CTU2: variants seen among roughly 807,000 people sequenced by gnomAD.
CTU2 encodes the protein cytoplasmic tRNA 2-thiolation protein 2.
Under a neutral mutation model 64.1 loss-of-function variants are expected in CTU2, and 80 were observed. The observed-to-expected ratio is 1.25, with a 90% CI of 1.04 to 1.50. The LOEUF (loss-of-function observed/expected upper bound fraction) is 1.50. Ranked by LOEUF, CTU2 falls within the 40% of genes most tolerant of loss-of-function variation. The probability of loss-of-function intolerance (pLI) is 0.00; values close to 1 mark genes in which losing one functional copy is unlikely to be tolerated. For missense variants in CTU2, 1,110 were observed against 690.2 expected (o/e 1.61, Z -6.81); for synonymous variants, 482 against 285.3 (o/e 1.69, Z -6.95).
rs749266783 is a variant in CTU2 at position 88,713,384 on chromosome 16, C to T, written c.810C>T (p.Arg270=). The change falls in exon 8 of 15, where the codon CGC becomes CGT. Residue 270 remains arginine, a synonymous_variant. Coordinates refer to ENST00000453996, the MANE Select transcript of CTU2 (RefSeq NM_001012759.3). ...TCATGACTGGGGACAGCTGCACACG[C>T]TTGGCTATCAAGCTCATGACCAACC... is the stretch of plus-strand genomic sequence containing the variant. The part of the protein sequence containing the change: ...SKVMTGDSCT[R]LAIKLMTNLA... 17 of 1,604,582 alleles carry T rather than the reference C, an allele frequency of 1.1e-5. No individual in the cohort carries two copies. In the Admixed American group the frequency reaches 2.6e-4, roughly 24 times the overall value.
rs769798425 is a variant in CTU2, at chr16:88,714,137, C to T, written c.1007C>T (p.Ala336Val). 90 of 1,612,382 alleles carry T rather than the reference C, an allele frequency of 5.6e-5. No individual in the cohort carries two copies. The highest frequency in any genetic ancestry group is 7.0e-5 in the Non-Finnish European group (83 of 1,179,742). The change falls in exon 10 of 15, where the codon GCC (alanine) becomes GTC (valine). Residue 336 changes from alanine to valine, a missense_variant and splice_region_variant. Transcript: ENST00000453996. ...SVFTPAVDTKAPEKASIHRLM... is the reference protein window; with the variant it reads ...SVFTPAVDTKVPEKASIHRLM... ...AGCCTCCAATCTGATTGTCCCTAGGCCCCTGAAAAGGCCAGCATCCACCGG... is the reference window on the plus strand; with the variant it reads ...AGCCTCCAATCTGATTGTCCCTAGGTCCCTGAAAAGGCCAGCATCCACCGG...
At chr16:88,714,333 G>GGTGT in intron 10 of CTU2, 50 bp from the exon 11 acceptor site, 1 of 1,603,176 alleles carries the variant, frequency 6.2e-7, no homozygotes, top group Non-Finnish European at 8.5e-7. Flanking sequence ...GGCTTAGGGT[G>GGTGT]GAGCCCCAGC....
rs538417281 is a variant in CTU2 at position 88,715,351 on chromosome 16, T to G, written c.*100T>G. The G allele has an allele frequency of 1.2e-3, 1,505 of 1,273,094 alleles. 2 individuals carry two copies. Among genetic ancestry groups the G allele is most frequent in the Non-Finnish European group, 1.5e-3 (1,432 of 929,288 alleles). 78.9% of individuals were successfully genotyped at this position (1,273,094 alleles called of 1,614,324 possible). A position where few individuals can be genotyped will look rare whatever the true frequency, so the allele number is the denominator to read the frequency against. On this transcript the variant is annotated 3_prime_UTR_variant, in exon 15 of 15. Transcript: ENST00000453996. Reference sequence around the variant, plus strand: ...GGGGGACTGGCCTCTGATTGTCCATTTGTATAAATAAAACATTTTTTAATT... The same window carrying G: ...GGGGGACTGGCCTCTGATTGTCCATGTGTATAAATAAAACATTTTTTAATT...
At chr16:88,708,570 C>T (rs1256584126) in intron 2 of CTU2, among the ~76,000 whole-genome samples, 1 of 152,150 alleles carries the variant, frequency 6.6e-6, no homozygotes, top group African/African-American at 2.4e-5. Context: ...TCCCATGTCC[C>T]AGCCTTGATA....
intron 2 of CTU2, 132 bp from the exon 3 acceptor site, chr16:88,709,806 C>A (rs575076729): frequency 1.1e-5 from 9 of 805,360 alleles, no homozygotes; most frequent in African/African-American, 8.5e-5. Flanking sequence ...AGTCTCTGGA[C>A]AGAGCCTGGA....
chr16:88,715,282 C>T lies in CTU2; in HGVS notation c.*31C>T, dbSNP rs367632753. On this transcript the variant is annotated 3_prime_UTR_variant, in exon 15 of 15. Transcript: ENST00000453996. ...AGGACGTGCTTGCCGGGACAGCAGG[C>T]AGTGGCCACCTGGTACACCACACTG... The T allele has an allele frequency of 2.5e-3, 3,938 of 1,603,900 alleles. 9 individuals carry two copies. Among genetic ancestry groups the T allele is most frequent in the Non-Finnish European group, 3.2e-3 (3,748 of 1,176,984 alleles).
intron 6 of CTU2, 54 bp from the exon 7 acceptor site, chr16:88,712,568 G>A (rs1427372550): frequency 1.9e-6 from 3 of 1,579,946 alleles, no homozygotes; most frequent in Non-Finnish European, 2.6e-6. Context: ...GGCTGTCTGT[G>A]GGGGGCACCT....
intron 5 of CTU2, 57 bp downstream of exon 5, chr16:88,711,752 T>TCCTCCCCCTGGTGTGGAC (rs1911340051): frequency 3.3e-6 from 5 of 1,524,648 alleles, no homozygotes; most frequent in Non-Finnish European, 3.6e-6. Flanking sequence ...GCCCTGCGGA[T>TCCTCCCCCTGGTGTGGAC]CCTCCCTCTG....
chr16:88,714,853 C>G lies in CTU2; in HGVS notation c.1353-7C>G. 1 of 1,612,546 alleles carries G rather than the reference C, an allele frequency of 6.2e-7. No homozygotes were observed. Among genetic ancestry groups the G allele is most frequent in the Non-Finnish European group, 8.5e-7 (1 of 1,179,844 alleles). On this transcript the variant is annotated splice_region_variant and splice_polypyrimidine_tract_variant and intron_variant, in intron 12 of 14. Coordinates refer to ENST00000453996, the MANE Select transcript of CTU2 (RefSeq NM_001012759.3). ...AGGTGGGCACACAGCCAGCTCTGCT[C>G]CCGCAGGGAGGACCCCCAAGCCTGC...
chr16:88,712,144 C>A, intron 5 of CTU2, 130 bp from the exon 6 acceptor site: 1 of 819,096 alleles, frequency 1.2e-6, no homozygotes, highest in Non-Finnish European at 2.1e-6. Flanking sequence ...GCCGACACCC[C>A]ACAGCTCCGC....
chr16:88,711,827 C>A, intron 5 of CTU2, 132 bp downstream of exon 5: 1 of 821,528 alleles, frequency 1.2e-6, no homozygotes, highest in Non-Finnish European at 1.9e-6. Context: ...CTGGTGCTGC[C>A]CCTGCACTGA....
At chr16:88,710,140 CTCGATG>C in intron 3 of CTU2, 77 bp from the exon 4 acceptor site, 1 of 1,580,142 alleles carries the variant, frequency 6.3e-7, no homozygotes, top group Middle Eastern at 1.7e-4. Flanking sequence ...TGAGGACAGA[CTCGATG>C]TCCTAGATGT....
At chr16:88,711,786 G>C (rs1476984493) in intron 5 of CTU2, 91 bp downstream of exon 5, 1 of 1,244,692 alleles carries the variant, frequency 8.0e-7, no homozygotes, top group Non-Finnish European at 1.1e-6. Flanking sequence ...CTCTGGTGCC[G>C]GTCCTCCCTC....
intron 2 of CTU2, chr16:88,709,724 G>T: frequency 1.7e-6 from 1 of 581,010 alleles, no homozygotes; most frequent in Non-Finnish European, 3.1e-6. Context: ...CCTGGTCGTG[G>T]GAGGGGCCGG....
rs751652887 is a variant in CTU2 at position 88,710,009 on chromosome 16, G to A, written c.215G>A (p.Gly72Asp). 3.0e-5 allele frequency: 49 copies of A among 1,613,730 alleles called. No individual in the cohort carries two copies. The highest frequency in any genetic ancestry group is 4.0e-5 in the Non-Finnish European group (47 of 1,179,986). Residue 72 changes from glycine (G) to aspartate (D), a missense_variant, in exon 3 of 15, where the codon GGC (glycine) becomes GAC (aspartate). By Grantham distance (94) the Gly-to-Asp change is moderately conservative. Transcript: ENST00000453996. ...GGCAAGAACCGGCTCATCTTTCCAGGCGAGAAGGTAGCGTCTGGGTCCTGG... is the reference window on the plus strand; with the variant it reads ...GGCAAGAACCGGCTCATCTTTCCAGACGAGAAGGTAGCGTCTGGGTCCTGG... Reference protein sequence around the residue: ...MLGKNRLIFPGEKVLLAWSGG... With the variant: ...MLGKNRLIFPDEKVLLAWSGG...
At chr16:88,707,888 G>A (rs1911017672) in intron 2 of CTU2, among the ~76,000 whole-genome samples, 1 of 151,938 alleles carries the variant, frequency 6.6e-6, no homozygotes. Context: ...CCAGCTCACT[G>A]CAACCTTTAC....
At chr16:88,710,381 A>G in intron 4 of CTU2, 99 bp downstream of exon 4, 1 of 1,286,758 alleles carries the variant, frequency 7.8e-7, no homozygotes, top group East Asian at 2.3e-5. Flanking sequence ...TTGGGGCTAG[A>G]GAGCAGTCCA....
intron 9 of CTU2, 29 bp from the exon 10 acceptor site, chr16:88,714,107 C>G (rs761440186): frequency 6.2e-7 from 1 of 1,606,998 alleles, no homozygotes; most frequent in Admixed American, 1.7e-5. Context: ...TCTGGGCTTT[C>G]CCATAGCCTC....
chr16:88,711,850 G>A (rs1911347000), intron 5 of CTU2, among the ~76,000 whole-genome samples, 155 bp downstream of exon 5: 1 of 152,188 alleles, frequency 6.6e-6, no homozygotes, highest in Non-Finnish European at 1.5e-5. Context: ...GCCTGGTGGG[G>A]ACATCTCCCT....
Sources: gnomAD v4.1 joint callset for allele counts (sites outside exome capture counted in the v4.1 genomes callset) on GRCh38, gnomAD v4.1.1 for gene constraint, MANE v1.5 for transcripts, NCBI Gene and HGNC (gene_info 2026-07-23, HGNC 2026-07-21) for gene names.